Variants in ADCK2 observed in about 807,000 individuals in gnomAD.
ADCK2 encodes the protein aarF domain containing kinase 2.
A neutral mutation model predicts 52.3 loss-of-function variants in ADCK2; 37 were observed. That is an observed-to-expected ratio of 0.71 (90% CI 0.54 to 0.93). The LOEUF is 0.93. ADCK2 is among the 40% of genes least tolerant of loss of function. The pLI is 0.00. For missense variants in ADCK2, 695 were observed against 798.7 expected (o/e 0.87, Z 1.56); for synonymous variants, 321 against 349.2 (o/e 0.92, Z 0.90).
chr7:140,680,268 C>A (rs752780054), intron 3 of ADCK2, among the ~76,000 whole-genome samples: 9 of 151,996 alleles, frequency 5.9e-5, no homozygotes, highest in Non-Finnish European at 1.3e-4. Context: ...ACCTCAGCCT[C>A]CCAAGTAGCT....
chr7:140,680,454 ATT>A (rs764772839), intron 3 of ADCK2, among the ~76,000 whole-genome samples: 7 of 143,092 alleles, frequency 4.9e-5, no homozygotes, highest in Non-Finnish European at 6.2e-5. Context: ...CACCTGGGTA[ATT>A]TTTTTTTTTT....
chr7:140,673,937 C>T lies in ADCK2; in HGVS notation c.607C>T (p.Arg203Trp), dbSNP rs1300177364. 4 of 1,613,970 alleles carry T rather than the reference C, an allele frequency of 2.5e-6. No homozygotes were observed. In the African/African-American group the frequency reaches 5.3e-5, roughly 22 times the overall value. The change falls in exon 1 of 8, where the codon CGG (arginine) becomes TGG (tryptophan). Residue 203 changes from arginine (R) to tryptophan (W), a missense_variant. Physicochemically the swap from Arg to Trp is moderately radical, Grantham distance 101. Coordinates refer to ENST00000072869, the MANE Select transcript of ADCK2 (RefSeq NM_052853.4). The surrounding 1 kb of genome is among the most constrained non-coding windows in gnomAD (Gnocchi z 6.4). ...DWGSILSFEN[R>W]EPVGSGCVAQ... ...GGGGAGCATCCTCTCTTTTGAGAAC[C>T]GGGAACCTGTGGGCTCAGGCTGCGT...
intron 4 of ADCK2, among the ~76,000 whole-genome samples, chr7:140,685,900 A>G (rs574468113): frequency 1.3e-5 from 2 of 151,812 alleles, no homozygotes; most frequent in South Asian, 4.2e-4. Context: ...CAAATCCAAC[A>G]CAATCCCTGG....
At chr7:140,681,378 C>T (rs950496717) in intron 4 of ADCK2, among the ~76,000 whole-genome samples, 13 of 151,314 alleles carry the variant, frequency 8.6e-5, no homozygotes, top group African/African-American at 2.4e-4. Flanking sequence ...AGTGCGGTGG[C>T]GTGATCTCGG....
intron 4 of ADCK2, among the ~76,000 whole-genome samples, chr7:140,685,668 A>G (rs1794593601): frequency 6.6e-6 from 1 of 152,002 alleles, no homozygotes; most frequent in South Asian, 2.1e-4. Context: ...GTCTGCCGCC[A>G]TAAGGGATGG....
chr7:140,679,408 G>A (rs552164977), intron 3 of ADCK2, 125 bp downstream of exon 3: 5 of 1,412,170 alleles, frequency 3.5e-6, no homozygotes, highest in East Asian at 4.6e-5. Flanking sequence ...ACTGTGAGGA[G>A]CTGGGATGTG....
intron 2 of ADCK2, among the ~76,000 whole-genome samples, chr7:140,676,144 A>G (rs1301286029): frequency 6.6e-6 from 1 of 152,234 alleles, no homozygotes; most frequent in Non-Finnish European, 1.5e-5. Flanking sequence ...AGATCAAGGC[A>G]TCGGCAGATT....
Position 140,687,230 on chromosome 7 carries a change from G to GT in ADCK2, c.1547dup (p.Met517AspfsTer9). ...TTTCCGGGCAGTTTTCATGGCTGTG[G>GT]TGATGGGGCAGGTGAGACGCACTGG... On this transcript the variant is annotated frameshift_variant, in exon 5 of 8. Coordinates refer to ENST00000072869, the MANE Select transcript of ADCK2 (RefSeq NM_052853.4). LOFTEE classifies it high-confidence loss of function. The GT allele has an allele frequency of 2.6e-6, 4 of 1,567,828 alleles. No individual in the cohort carries two copies. The highest frequency in any genetic ancestry group is 3.5e-6 in the Non-Finnish European group (4 of 1,154,376).
At position 140,687,177 on chromosome 7, in the gene ADCK2, C is replaced by A; in HGVS notation, c.1493C>A (p.Ala498Glu). Residue 498 changes from alanine to glutamate, a missense_variant, in exon 5 of 8, where the codon GCG (alanine) becomes GAG (glutamate). Physicochemically the swap from Ala to Glu is moderately radical, Grantham distance 107. Transcript: ENST00000072869. ...GTGCTGCTGGATGCTGGCATTGTGG[C>A]GGAGCTGCAGGCCCCTGACCTGAGG... is the stretch of plus-strand genomic sequence containing the variant. ...RLVLLDAGIVAELQAPDLRNF... is the reference protein window; with the variant it reads ...RLVLLDAGIVEELQAPDLRNF... 1 of 1,600,870 alleles carries A rather than the reference C, an allele frequency of 6.2e-7. No individual in the cohort carries two copies. Among genetic ancestry groups the A allele is most frequent in the Non-Finnish European group, 8.5e-7 (1 of 1,173,106 alleles).
At chr7:140,689,466 G>A (rs549179732) in intron 5 of ADCK2, 131 bp from the exon 6 acceptor site, 174 of 1,146,898 alleles carry the variant, frequency 1.5e-4, no homozygotes, top group Non-Finnish European at 2.0e-4. Context: ...GTCACAGCCC[G>A]AGGAGGAAGA....
rs3748092 is a variant in ADCK2, at chr7:140,681,084, G to T, written c.1252G>T (p.Val418Leu). The T allele has an allele frequency of 2.2e-3, 3,563 of 1,614,126 alleles. 76 individuals are homozygous for T. The African/African-American group carries it at 0.042, about 19-fold the overall frequency. ...VSSYQQAGIP[V>L]DLKRKIARLG... ...CAGTTACCAGCAGGCAGGAATTCCC[G>T]TGGACTTGAAAAGGAAGATTGCACG... is the stretch of plus-strand genomic sequence containing the variant. The change falls in exon 4 of 8, where the codon GTG (valine) becomes TTG (leucine). Residue 418 changes from valine (V) to leucine (L), a missense_variant. Coordinates refer to ENST00000072869, the MANE Select transcript of ADCK2 (RefSeq NM_052853.4).
intron 2 of ADCK2, among the ~76,000 whole-genome samples, chr7:140,677,675 G>T (rs931326943): frequency 2.6e-5 from 4 of 152,212 alleles, no homozygotes; most frequent in Non-Finnish European, 4.4e-5. Context: ...GCAATTTTAT[G>T]TCAGGGACTG....
At position 140,673,583 on chromosome 7, in the gene ADCK2, C is replaced by G. The variant is rs748675495; in HGVS notation, c.253C>G (p.Pro85Ala). Residue 85 changes from proline (P) to alanine (A), a missense_variant, in exon 1 of 8, where the codon CCC (proline) becomes GCC (alanine). By Grantham distance (27) the Pro-to-Ala change is conservative (BLOSUM62 -1). Coordinates refer to ENST00000072869, the MANE Select transcript of ADCK2 (RefSeq NM_052853.4). The surrounding 1 kb of genome is among the most constrained non-coding windows in gnomAD (Gnocchi z 6.4). Reference sequence around the variant, plus strand: ...TGGCGCGGGGCCCGCGGAGAGCCTCCCCCGAGCGGGACCTCTGGGCGGCGT... The same window carrying G: ...TGGCGCGGGGCCCGCGGAGAGCCTCGCCCGAGCGGGACCTCTGGGCGGCGT... ...AAGAGPAESLPRAGPLGGVFL... is the reference protein window; with the variant it reads ...AAGAGPAESLARAGPLGGVFL... 1.4e-5 allele frequency: 23 copies of G among 1,604,986 alleles called. No homozygotes were observed. Among genetic ancestry groups the G allele is most frequent in the Non-Finnish European group, 1.9e-5 (22 of 1,179,074 alleles).
At position 140,692,374 on chromosome 7, in the gene ADCK2, T is replaced by C. The variant is rs548049136; in HGVS notation, c.1740+1561T>C. 3.3e-5 allele frequency among the ~76,000 whole-genome samples: 5 copies of C among 152,360 alleles called. No individual in the cohort carries two copies. The East Asian group carries it at 7.7e-4, about 23-fold the overall frequency. ...TTGTAACATGTGACAGGATTTCCTT[T>C]TGAGACAGGGTCTCACTGTGTCACC... On this transcript the variant is annotated intron_variant, in intron 7 of 7. Coordinates refer to ENST00000072869, the MANE Select transcript of ADCK2 (RefSeq NM_052853.4).
chr7:140,673,492 C>G lies in ADCK2; in HGVS notation c.162C>G (p.Cys54Trp). 6.2e-7 allele frequency: 1 copy of G among 1,605,100 alleles called. No individual in the cohort carries two copies. ...CTTTGCCCAAGGTCGTCTCCCTGTG[C>G]GGGGACGTGGGTGAGGGGGCCCCTG... The part of the protein sequence containing the change: ...LGTLPKVVSL[C>W]GDVGEGAPDV... Residue 54 changes from cysteine (C) to tryptophan (W), a missense_variant, in exon 1 of 8, where the codon TGC (cysteine) becomes TGG (tryptophan). Physicochemically the swap from Cys to Trp is radical, Grantham distance 215 (BLOSUM62 -2). Transcript: ENST00000072869. The surrounding 1 kb of genome is among the most constrained non-coding windows in gnomAD (Gnocchi z 6.4).
At position 140,687,166 on chromosome 7, in the gene ADCK2, T is replaced by C. The variant is rs779056342; in HGVS notation, c.1482T>C (p.Ala494=). The part of the protein sequence containing the change: ...LCPLRLVLLD[A]GIVAELQAPD... ...CGCTGCGACTGGTGCTGCTGGATGC[T>C]GGCATTGTGGCGGAGCTGCAGGCCC... The change falls in exon 5 of 8, where the codon GCT becomes GCC. Residue 494 remains alanine (A), a synonymous_variant. Coordinates refer to ENST00000072869, the MANE Select transcript of ADCK2 (RefSeq NM_052853.4). 6.2e-7 allele frequency: 1 copy of C among 1,607,032 alleles called. No homozygotes were observed. The highest frequency in any genetic ancestry group is 8.5e-7 in the Non-Finnish European group (1 of 1,176,454).
rs757213069 is a variant in ADCK2 at position 140,687,169 on chromosome 7, C to T, written c.1485C>T (p.Gly495=). ...CPLRLVLLDA[G]IVAELQAPDL... ...TGCGACTGGTGCTGCTGGATGCTGG[C>T]ATTGTGGCGGAGCTGCAGGCCCCTG... Residue 495 remains glycine, a synonymous_variant, in exon 5 of 8, where the codon GGC becomes GGT. Coordinates refer to ENST00000072869, the MANE Select transcript of ADCK2 (RefSeq NM_052853.4). 2 of 1,606,258 alleles carry T rather than the reference C, an allele frequency of 1.2e-6. No individual in the cohort carries two copies. The highest frequency in any genetic ancestry group is 2.2e-5 in the East Asian group (1 of 44,688).
rs752945851 is a variant in ADCK2 at position 140,681,092 on chromosome 7, G to A, written c.1260G>A (p.Leu420=). The A allele has an allele frequency of 3.7e-6, 6 of 1,614,178 alleles. No homozygotes were observed. Among genetic ancestry groups the A allele is most frequent in the South Asian group, 1.1e-5 (1 of 91,070 alleles). ...SYQQAGIPVD[L]KRKIARLGIN... ...AGCAGGCAGGAATTCCCGTGGACTT[G>A]AAAAGGAAGATTGCACGGCTGGGGA... Residue 420 remains leucine, a synonymous_variant, in exon 4 of 8, where the codon TTG becomes TTA. Transcript: ENST00000072869.
In ADCK2 at chr7:140,693,710, G is replaced by A. The variant is rs375613401; in HGVS notation, c.1741-953G>A. Among the ~76,000 whole-genome samples the A allele has an allele frequency of 7.0e-3, 1,058 of 152,184 alleles. 10 individuals are homozygous for A. Among genetic ancestry groups the A allele is most frequent in the South Asian group, 0.016 (79 of 4,822 alleles). On this transcript the variant is annotated intron_variant, in intron 7 of 7. Coordinates refer to ENST00000072869, the MANE Select transcript of ADCK2 (RefSeq NM_052853.4). The surrounding 1 kb of genome is among the most constrained non-coding windows in gnomAD (Gnocchi z 4.0). Reference sequence around the variant, plus strand: ...GAGCAGTCAATTGTGTGTTGTCTCTGATTTTTTTTATTTTTTTGAGATGGA... The same window carrying A: ...GAGCAGTCAATTGTGTGTTGTCTCTAATTTTTTTTATTTTTTTGAGATGGA...
Sources: gnomAD v4.1 joint callset for allele counts (sites outside exome capture counted in the v4.1 genomes callset) on GRCh38, gnomAD v4.1.1 for gene constraint, Gnocchi (gnomAD v3.1) non-coding constraint, MANE v1.5 for transcripts, NCBI Gene and HGNC (gene_info 2026-07-23, HGNC 2026-07-21) for gene names.